GTF2IRD2B: variants seen among roughly 807,000 people sequenced by gnomAD.
GTF2IRD2B encodes the protein GTF2I repeat domain containing 2B.
GTF2IRD2B carries 10 observed loss-of-function variants against 55.6 expected under a neutral mutation model. The observed-to-expected ratio is 0.18, with a 90% CI of 0.11 to 0.31. The LOEUF (loss-of-function observed/expected upper bound fraction) is 0.31, where lower values mean the gene tolerates loss of function less well. Among genes scored for constraint, GTF2IRD2B ranks in the 10% least tolerant of loss-of-function variants. The pLI is 1.00. For synonymous variants in GTF2IRD2B, 107 were observed against 320.5 expected (o/e 0.33, Z 7.12); for missense variants, 206 against 802.7 (o/e 0.26, Z 8.98).
intron 1 of GTF2IRD2B, among the ~76,000 whole-genome samples, chr7:75,105,136 C>T (rs1807740765): frequency 6.6e-6 from 1 of 152,296 alleles, no homozygotes; most frequent in Non-Finnish European, 1.5e-5. Context: ...GTCGAGGCTA[C>T]ACTGAACTGT....
intron 1 of GTF2IRD2B, among the ~76,000 whole-genome samples, chr7:75,093,059 G>T (rs183609650): frequency 6.6e-6 from 1 of 152,424 alleles, no homozygotes. Flanking sequence ...GGGTGTGCGT[G>T]ATGCCACGCT....
At chr7:75,118,015 G>T (rs1290292663) in intron 3 of GTF2IRD2B, among the ~76,000 whole-genome samples, 11 of 151,144 alleles carry the variant, frequency 7.3e-5, no homozygotes, top group Admixed American at 4.6e-4. Flanking sequence ...CCCAGGAGGT[G>T]GAGGTTGCAG....
intron 2 of GTF2IRD2B, among the ~76,000 whole-genome samples, chr7:75,109,541 C>T (rs1177683501): frequency 3.6e-5 from 3 of 82,992 alleles, no homozygotes; most frequent in African/African-American, 9.7e-5. Context: ...GGTTTCACCA[C>T]GTTGGCCAGG....
rs1225188246 is a variant in GTF2IRD2B, at chr7:75,148,898, C to T, written c.2451C>T (p.Ser817=). ...PTLKLVSRNE[S]DGLNYIPKIA... The stretch of plus-strand genomic sequence containing the variant: ...TGAAATTGGTTTCCAGAAATGAAAG[C>T]GATGGCCTGAACTACATTCCCAAAA... The change falls in exon 16 of 16, where the codon AGC becomes AGT. Residue 817 remains serine, a synonymous_variant. Coordinates refer to ENST00000472837, the MANE Select transcript of GTF2IRD2B (RefSeq NM_001003795.3). 3.8e-6 allele frequency: 6 copies of T among 1,592,158 alleles called. No individual in the cohort carries two copies. In the Admixed American group the frequency reaches 5.0e-5, roughly 13 times the overall value.
intron 9 of GTF2IRD2B, 133 bp from the exon 10 acceptor site, chr7:75,134,868 G>A: frequency 1.3e-5 from 19 of 1,440,088 alleles, no homozygotes; most frequent in Non-Finnish European, 1.8e-5. Flanking sequence ...CGCGCAGCCA[G>A]TTTTATTTCA....
At chr7:75,105,074 G>T (rs1455963084) in intron 1 of GTF2IRD2B, among the ~76,000 whole-genome samples, 2 of 152,306 alleles carry the variant, frequency 1.3e-5, no homozygotes, top group African/African-American at 4.8e-5. Context: ...GCATGCACCT[G>T]TAGTCCCAGC....
At chr7:75,102,092 T>C (rs1584522179) in intron 1 of GTF2IRD2B, among the ~76,000 whole-genome samples, 1 of 150,428 alleles carries the variant, frequency 6.6e-6, no homozygotes, top group East Asian at 2.0e-4. Flanking sequence ...AACCTCCGCC[T>C]CCCGGGTTCA....
intron 6 of GTF2IRD2B, among the ~76,000 whole-genome samples, chr7:75,124,473 T>TG (rs1220517638): frequency 2.3e-3 from 314 of 137,346 alleles, no homozygotes; most frequent in African/African-American, 8.2e-3. Context: ...ACAAGGCACC[T>TG]GCTGGGTGTA....
In GTF2IRD2B at chr7:75,149,512, C is replaced by G; in HGVS notation, c.*215C>G. The stretch of plus-strand genomic sequence containing the variant: ...TCTCCTGCCTCAGCCTCCCGAGCAG[C>G]TGGGACTACAGGCATGCGCCACCAT... On this transcript the variant is annotated 3_prime_UTR_variant, in exon 16 of 16. Coordinates refer to ENST00000472837, the MANE Select transcript of GTF2IRD2B (RefSeq NM_001003795.3). 3.6e-6 allele frequency: 2 copies of G among 557,496 alleles called. No homozygotes were observed. The highest frequency in any genetic ancestry group is 6.4e-6 in the Non-Finnish European group (2 of 311,308). 34.5% of individuals were successfully genotyped at this position (557,496 alleles called of 1,614,324 possible). A position where few individuals can be genotyped will look rare whatever the true frequency, so the allele number is the denominator to read the frequency against.
At chr7:75,123,857 G>A (rs1178637248) in intron 6 of GTF2IRD2B, 3 of 355,232 alleles carry the variant, frequency 8.4e-6, no homozygotes, top group African/African-American at 4.2e-5. Flanking sequence ...CAGCCTGGGC[G>A]ACTGAGCAAG....
chr7:75,148,126 C>T lies in GTF2IRD2B; in HGVS notation c.1679C>T (p.Thr560Ile), dbSNP rs1809209415. 2.5e-6 allele frequency: 4 copies of T among 1,612,638 alleles called. No individual in the cohort carries two copies. Among genetic ancestry groups the T allele is most frequent in the Non-Finnish European group, 3.4e-6 (4 of 1,179,174 alleles). Reference sequence around the variant, plus strand: ...GATGAGATCACGGATATAAATAATACCACCCAGTTGGCCATATTCATCCGT... The same window carrying T: ...GATGAGATCACGGATATAAATAATATCACCCAGTTGGCCATATTCATCCGT... ...AIDEITDINNTTQLAIFIRGV... is the reference protein window; with the variant it reads ...AIDEITDINNITQLAIFIRGV... The change falls in exon 16 of 16, where the codon ACC (threonine) becomes ATC (isoleucine). Residue 560 changes from threonine (T) to isoleucine (I), a missense_variant. Transcript: ENST00000472837.
At chr7:75,132,911 C>A (rs1228397012) in intron 8 of GTF2IRD2B, among the ~76,000 whole-genome samples, 1 of 143,974 alleles carries the variant, frequency 6.9e-6, no homozygotes, top group Non-Finnish European at 1.5e-5. Flanking sequence ...TTTATATAAA[C>A]ATACATAAAT....
chr7:75,103,147 C>T (rs1164352796), intron 1 of GTF2IRD2B, among the ~76,000 whole-genome samples: 5 of 151,614 alleles, frequency 3.3e-5, no homozygotes, highest in Admixed American at 6.6e-5. Context: ...GGCCCGGTGG[C>T]GGGTGCCTAT....
At chr7:75,130,804 T>C (rs587618886) in intron 8 of GTF2IRD2B, among the ~76,000 whole-genome samples, 2 of 116,484 alleles carry the variant, frequency 1.7e-5, no homozygotes, top group Admixed American at 8.6e-5. Context: ...AATGTTTAGC[T>C]TCACTGTCCT....
chr7:75,143,842 ATTC>A (rs1262258860), intron 14 of GTF2IRD2B, 105 bp from the exon 15 acceptor site: 1 of 437,684 alleles, frequency 2.3e-6, no homozygotes, highest in Non-Finnish European at 4.4e-6. Flanking sequence ...ATAAATAAAT[ATTC>A]TTCTGTAAAA....
chr7:75,147,449 A>G (rs1554454419), intron 15 of GTF2IRD2B, among the ~76,000 whole-genome samples: 1 of 151,880 alleles, frequency 6.6e-6, no homozygotes, highest in Non-Finnish European at 1.5e-5. Flanking sequence ...AACGACAACA[A>G]AAATTCAGTC....
At chr7:75,108,816 C>T in intron 1 of GTF2IRD2B, 144 bp from the exon 2 acceptor site, 11 of 287,076 alleles carry the variant, frequency 3.8e-5, no homozygotes, top group South Asian at 3.3e-4. Context: ...AGCTCATGGG[C>T]AAGTCACTAA....
In GTF2IRD2B at chr7:75,106,122, G is replaced by A. The variant is rs1554450204; in HGVS notation, c.-5-2838G>A. 2.1e-3 allele frequency among the ~76,000 whole-genome samples: 318 copies of A among 152,302 alleles called. No individual in the cohort carries two copies. In the East Asian group the frequency reaches 0.053, roughly 25 times the overall value. ...TAGCTCCCTTACATCTTCAGTTTTGGTCGGGCTCAGTGGCTCACGCCTGTA... is the reference window on the plus strand; with the variant it reads ...TAGCTCCCTTACATCTTCAGTTTTGATCGGGCTCAGTGGCTCACGCCTGTA... On this transcript the variant is annotated intron_variant, in intron 1 of 15. Transcript: ENST00000472837.
intron 8 of GTF2IRD2B, among the ~76,000 whole-genome samples, chr7:75,126,888 T>A (rs751398166): frequency 6.7e-6 from 1 of 148,548 alleles, no homozygotes; most frequent in South Asian, 2.1e-4. Flanking sequence ...TCCCAGCTAC[T>A]TGGGAGGCTG....
Sources: allele counts gnomAD v4.1 joint callset (sites outside exome capture counted in the v4.1 genomes callset), GRCh38; gene constraint gnomAD v4.1.1; transcripts MANE v1.5; gene names NCBI Gene and HGNC (gene_info 2026-07-23, HGNC 2026-07-21).